Variants in SCFD2 observed in about 807,000 individuals in gnomAD.
SCFD2 encodes the protein sec1 family domain-containing protein 2.
A neutral mutation model predicts 58.9 loss-of-function variants in SCFD2; 54 were observed. That is an observed-to-expected ratio of 0.92 (90% CI 0.74 to 1.15). SCFD2 has a LOEUF of 1.15. Ranked by LOEUF, SCFD2 falls within the 50% of genes most tolerant of loss-of-function variation. The pLI is 0.00. For synonymous variants in SCFD2, 321 were observed against 335.9 expected (o/e 0.96, Z 0.49); for missense variants, 805 against 836.6 (o/e 0.96, Z 0.47).
At chr4:52,957,734 T>C (rs868452550) in intron 5 of SCFD2, 31 of 152,244 alleles carry the variant, frequency 2.0e-4, no homozygotes, top group African/African-American at 7.0e-4. Flanking sequence ...TAAACCCTTG[T>C]TTGATTTTGT....
chr4:52,990,235 C>T lies in SCFD2; in HGVS notation c.1562-69365G>A, dbSNP rs559943589. Among the ~76,000 whole-genome samples, 4 of 152,180 alleles carry T rather than the reference C, an allele frequency of 2.6e-5. No homozygotes were observed. The East Asian group carries it at 5.8e-4, about 22-fold the overall frequency. The stretch of plus-strand genomic sequence containing the variant: ...AAAGCTGTTTTCTTACATTTAATAT[C>T]GACTGAAAACATGTTTCTAATGAGA... On this transcript the variant is annotated intron_variant, in intron 5 of 8. Coordinates refer to ENST00000401642, the MANE Select transcript of SCFD2 (RefSeq NM_152540.4).
intron 4 of SCFD2, among the ~76,000 whole-genome samples, chr4:53,175,863 C>A (rs867216268): frequency 6.6e-6 from 1 of 152,138 alleles, no homozygotes; most frequent in Non-Finnish European, 1.5e-5. Flanking sequence ...TTTACAATCC[C>A]ATAACACATA....
intron 5 of SCFD2, among the ~76,000 whole-genome samples, chr4:52,945,285 T>C (rs1230723483): frequency 6.6e-6 from 1 of 152,188 alleles, no homozygotes. Context: ...ATTCGTATGC[T>C]ATAAGCATTA....
intron 6 of SCFD2, among the ~76,000 whole-genome samples, chr4:52,912,017 C>G (rs1719498111): frequency 6.6e-6 from 1 of 152,056 alleles, no homozygotes; most frequent in East Asian, 1.9e-4. Flanking sequence ...ACTTTTAAGT[C>G]ATAGGATTTA....
intron 2 of SCFD2, among the ~76,000 whole-genome samples, chr4:53,341,735 C>T (rs191434439): frequency 2.6e-5 from 4 of 152,280 alleles, no homozygotes; most frequent in East Asian, 3.9e-4. Context: ...CAAAGGGAAG[C>T]CCATCAGACT....
intron 3 of SCFD2, among the ~76,000 whole-genome samples, chr4:53,292,430 A>T (rs1469752613): frequency 1.3e-5 from 2 of 152,216 alleles, no homozygotes; most frequent in African/African-American, 4.8e-5. Flanking sequence ...ACATACATGC[A>T]GCCAACAAAC....
At chr4:53,256,036 T>C (rs7669113) in intron 4 of SCFD2, among the ~76,000 whole-genome samples, 143,863 of 147,500 alleles carry the variant, frequency 0.98, 70,252 homozygotes, top group Middle Eastern at 1. Context: ...CCACCTCCCT[T>C]CCGGACGGGG....
intron 4 of SCFD2, among the ~76,000 whole-genome samples, chr4:53,206,567 A>G (rs1728412968): frequency 6.6e-6 from 1 of 152,156 alleles, no homozygotes; most frequent in Non-Finnish European, 1.5e-5. Flanking sequence ...AAGTTTTTTT[A>G]ATCGTAAAAA....
intron 4 of SCFD2, among the ~76,000 whole-genome samples, chr4:53,155,863 T>C (rs1726663456): frequency 6.6e-6 from 1 of 152,224 alleles, no homozygotes. Context: ...AAGAGGTCCA[T>C]GAGGTCAAAA....
At chr4:53,233,873 T>C (rs965631043) in intron 4 of SCFD2, among the ~76,000 whole-genome samples, 18 of 145,078 alleles carry the variant, frequency 1.2e-4, no homozygotes, top group African/African-American at 4.6e-4. Flanking sequence ...ATTAAAAGCT[T>C]ACTGAGGAGT....
intron 3 of SCFD2, among the ~76,000 whole-genome samples, chr4:53,299,007 G>T (rs1732161521): frequency 6.6e-6 from 1 of 152,084 alleles, no homozygotes; most frequent in Non-Finnish European, 1.5e-5. Context: ...AAACAGAGCA[G>T]AAAAAACAGA....
At position 53,313,679 on chromosome 4, in the gene SCFD2, C is replaced by T; in HGVS notation, c.1092G>A (p.Val364=). The T allele has an allele frequency of 6.2e-7, 1 of 1,614,052 alleles. No individual in the cohort carries two copies. The highest frequency in any genetic ancestry group is 8.5e-7 in the Non-Finnish European group (1 of 1,179,966). ...GCAGGTTTTCTCTGCTTGCCGCTTCCACTAGATGTCTCCGAACTTCCATCA... is the reference window on the plus strand; with the variant it reads ...GCAGGTTTTCTCTGCTTGCCGCTTCTACTAGATGTCTCCGAACTTCCATCA... ...EAVMEVRRHL[V]EAASRENLPI... The change falls in exon 3 of 9, where the codon GTG becomes GTA. Residue 364 remains valine (V), a synonymous_variant. Transcript: ENST00000401642.
At chr4:53,018,584 T>C (rs1722268581) in intron 5 of SCFD2, among the ~76,000 whole-genome samples, 1 of 152,170 alleles carries the variant, frequency 6.6e-6, no homozygotes, top group African/African-American at 2.4e-5. Context: ...ATCAATTCTA[T>C]GTCAGCAGGA....
chr4:53,304,234 A>C (rs1577952100), intron 3 of SCFD2, among the ~76,000 whole-genome samples: 1 of 152,174 alleles, frequency 6.6e-6, no homozygotes, highest in South Asian at 2.1e-4. Context: ...GGGTAACCCA[A>C]CCTTTCTCTC....
chr4:53,141,370 A>G (rs1471854284), intron 5 of SCFD2, among the ~76,000 whole-genome samples: 1 of 152,208 alleles, frequency 6.6e-6, no homozygotes, highest in South Asian at 2.1e-4. Context: ...ACGTAACTGC[A>G]ATCATCTGAA....
At chr4:53,279,639 T>C (rs1731445370) in intron 3 of SCFD2, among the ~76,000 whole-genome samples, 1 of 152,232 alleles carries the variant, frequency 6.6e-6, no homozygotes, top group Admixed American at 6.5e-5. Flanking sequence ...TGAATTCCAA[T>C]GCATTAAGAA....
At chr4:53,096,840 G>A (rs2148871239) in intron 5 of SCFD2, among the ~76,000 whole-genome samples, 1 of 152,184 alleles carries the variant, frequency 6.6e-6, no homozygotes, top group South Asian at 2.1e-4. Flanking sequence ...GGGTTTTTAT[G>A]GTTTTAGGTC....
chr4:53,218,926 A>G (rs1203427750), intron 4 of SCFD2, among the ~76,000 whole-genome samples: 1 of 152,212 alleles, frequency 6.6e-6, no homozygotes, highest in African/African-American at 2.4e-5. Flanking sequence ...TTGCCTGGGT[A>G]TCAGCAGCGG....
chr4:53,044,353 C>A (rs186940532), intron 5 of SCFD2, among the ~76,000 whole-genome samples: 1 of 152,012 alleles, frequency 6.6e-6, no homozygotes, highest in African/African-American at 2.4e-5. Context: ...GCTCCCTCCC[C>A]CTTTTATTTT....
Sources: gnomAD v4.1 joint callset for allele counts (sites outside exome capture counted in the v4.1 genomes callset) on GRCh38, gnomAD v4.1.1 for gene constraint, MANE v1.5 for transcripts, NCBI Gene and HGNC (gene_info 2026-07-23, HGNC 2026-07-21) for gene names.